Variants in CSMD3 observed in about 807,000 individuals in gnomAD.
CSMD3 encodes CUB and Sushi multiple domains 3.
A neutral mutation model predicts 435.2 loss-of-function variants in CSMD3; 177 were observed. That is an observed-to-expected ratio of 0.41 (90% CI 0.36 to 0.46). The LOEUF is 0.46. CSMD3 is among the 20% of genes least tolerant of loss of function. The probability of loss-of-function intolerance (pLI) is 0.34; values close to 1 mark genes in which losing one functional copy is unlikely to be tolerated. For synonymous variants in CSMD3, 1,656 were observed against 1,520.5 expected (o/e 1.09, Z -2.07); for missense variants, 4,265 against 4,504.6 (o/e 0.95, Z 1.52).
At chr8:112,228,166 A>C (rs1812755293) in intron 70 of CSMD3, among the ~76,000 whole-genome samples, 2 of 152,154 alleles carry the variant, frequency 1.3e-5, no homozygotes. Flanking sequence ...ATAGTAAAGC[A>C]CTCACCAGGA....
At chr8:113,413,749 G>A (rs191382610) in intron 1 of CSMD3, among the ~76,000 whole-genome samples, 2 of 152,266 alleles carry the variant, frequency 1.3e-5, no homozygotes, top group African/African-American at 2.4e-5. Flanking sequence ...TGAAATACAA[G>A]TTAACTTTTT....
intron 4 of CSMD3, among the ~76,000 whole-genome samples, chr8:113,161,877 C>T (rs748202119): frequency 6.6e-6 from 1 of 152,126 alleles, no homozygotes; most frequent in East Asian, 1.9e-4. Context: ...TTTTAGTTAC[C>T]CCAAATAAGG....
At chr8:112,885,835 T>C (rs184257172) in intron 10 of CSMD3, among the ~76,000 whole-genome samples, 213 of 151,818 alleles carry the variant, frequency 1.4e-3, no homozygotes, top group African/African-American at 4.6e-3. Context: ...CATCTAACAA[T>C]GAAGAGTTCA....
At chr8:112,484,672 C>T (rs1273390633) in intron 31 of CSMD3, among the ~76,000 whole-genome samples, 1 of 151,990 alleles carries the variant, frequency 6.6e-6, no homozygotes, top group Non-Finnish European at 1.5e-5. Flanking sequence ...TAAATATGAA[C>T]CCCAAGTCAA....
At chr8:112,826,649 C>T (rs2079688791) in intron 12 of CSMD3, among the ~76,000 whole-genome samples, 1 of 152,158 alleles carries the variant, frequency 6.6e-6, no homozygotes, top group African/African-American at 2.4e-5. Context: ...ATCATGCTAG[C>T]CACCTAGTCA....
chr8:113,238,504 A>T (rs1254093391), intron 3 of CSMD3, among the ~76,000 whole-genome samples: 1 of 152,152 alleles, frequency 6.6e-6, no homozygotes, highest in Non-Finnish European at 1.5e-5. Context: ...GATAGGCAGT[A>T]TCAGGCAGGA....
chr8:113,131,738 T>C (rs1244818678), intron 4 of CSMD3, among the ~76,000 whole-genome samples: 1 of 152,012 alleles, frequency 6.6e-6, no homozygotes. Flanking sequence ...ACCCTAAAAC[T>C]GTAGATCCAC....
At chr8:113,227,501 C>T (rs1045406773) in intron 3 of CSMD3, among the ~76,000 whole-genome samples, 1 of 151,624 alleles carries the variant, frequency 6.6e-6, no homozygotes, top group African/African-American at 2.4e-5. Context: ...TGGTTTGAGT[C>T]TTTTTCCCCA....
In CSMD3 at chr8:113,436,879, G is replaced by T. The variant is rs1457223952; in HGVS notation, c.-25C>A. 6.2e-7 allele frequency: 1 copy of T among 1,612,830 alleles called. No homozygotes were observed. Among genetic ancestry groups the T allele is most frequent in the Non-Finnish European group, 8.5e-7 (1 of 1,179,880 alleles). On this transcript the variant is annotated 5_prime_UTR_variant, in exon 1 of 71. Transcript: ENST00000297405. ...TATTATTCGCGAGCTCCTAATTCCT[G>T]CTCCTCAGCCCGGCGCAGTGGAGTT...
chr8:113,376,861 C>T (rs2133083235), intron 1 of CSMD3: 2 of 1,611,358 alleles, frequency 1.2e-6, no homozygotes, highest in Non-Finnish European at 1.7e-6. Flanking sequence ...GCCCCTTTCC[C>T]GGATGATCTG....
intron 22 of CSMD3, among the ~76,000 whole-genome samples, chr8:112,625,631 A>C (rs1834418090): frequency 6.6e-6 from 1 of 152,078 alleles, no homozygotes; most frequent in Non-Finnish European, 1.5e-5. Context: ...ATGAAGAGAA[A>C]TGTTACTTAC....
intron 13 of CSMD3, among the ~76,000 whole-genome samples, chr8:112,693,713 C>T (rs2076189778): frequency 6.6e-6 from 1 of 151,696 alleles, no homozygotes; most frequent in African/African-American, 2.4e-5. Context: ...GAAATTGTTA[C>T]CATTATTTCC....
chr8:112,913,713 T>C (rs2082493271), intron 10 of CSMD3, among the ~76,000 whole-genome samples: 1 of 149,700 alleles, frequency 6.7e-6, no homozygotes, highest in Non-Finnish European at 1.5e-5. Context: ...TCTCTCCCTC[T>C]ACGGTTCCTT....
At chr8:112,445,212 CA>C (rs1321948078) in intron 32 of CSMD3, among the ~76,000 whole-genome samples, 1 of 152,110 alleles carries the variant, frequency 6.6e-6, no homozygotes, top group Non-Finnish European at 1.5e-5. Flanking sequence ...CACCGCACTC[CA>C]GCCTCGTTGA....
intron 53 of CSMD3, 82 bp downstream of exon 53, chr8:112,301,711 T>C (rs2130755149): frequency 1.0e-6 from 1 of 995,528 alleles, no homozygotes; most frequent in Non-Finnish European, 1.6e-6. Flanking sequence ...AATTAGTATC[T>C]CATATTAGGG....
At chr8:113,237,739 T>C (rs1182078097) in intron 3 of CSMD3, among the ~76,000 whole-genome samples, 2 of 152,178 alleles carry the variant, frequency 1.3e-5, no homozygotes, top group Admixed American at 6.5e-5. Flanking sequence ...TCTAGGCTAC[T>C]AACAACAGAC....
Position 112,223,136 on chromosome 8 carries a change from T to C in CSMD3, c.*1635A>G, listed in dbSNP as rs1404085160. On this transcript the variant is annotated 3_prime_UTR_variant, in exon 71 of 71. Coordinates refer to ENST00000297405, the MANE Select transcript of CSMD3 (RefSeq NM_198123.2). ...AACATTAATGAATGAATCATTGTTATTGCAGTCATTTGAATAAACAAGAAT... is the reference window on the plus strand; with the variant it reads ...AACATTAATGAATGAATCATTGTTACTGCAGTCATTTGAATAAACAAGAAT... The C allele has an allele frequency of 2.5e-6, 1 of 398,276 alleles. No homozygotes were observed. Among genetic ancestry groups the C allele is most frequent in the Non-Finnish European group, 4.4e-6 (1 of 225,596 alleles). The allele number at this position is 398,276 out of a possible 1,614,324, so 24.7% of individuals were successfully genotyped here.
At chr8:112,573,803 C>A (rs565408458) in intron 23 of CSMD3, 146 bp from the exon 24 acceptor site, 49 of 653,154 alleles carry the variant, frequency 7.5e-5, no homozygotes, top group Non-Finnish European at 1.1e-4. Context: ...ATATTGGTTT[C>A]TATGAACACA....
chr8:112,870,281 T>C (rs1211181891), intron 10 of CSMD3, among the ~76,000 whole-genome samples: 1 of 151,514 alleles, frequency 6.6e-6, no homozygotes, highest in Non-Finnish European at 1.5e-5. Context: ...TATTTTTTTT[T>C]TTTTTGAGAC....
Sources: gnomAD v4.1 joint callset for allele counts (sites outside exome capture counted in the v4.1 genomes callset) on GRCh38, gnomAD v4.1.1 for gene constraint, MANE v1.5 for transcripts, NCBI Gene and HGNC (gene_info 2026-07-23, HGNC 2026-07-21) for gene names.